Variants in ASPM observed in about 807,000 individuals in gnomAD.
ASPM encodes assembly factor for spindle microtubules.
ASPM carries 256 observed loss-of-function variants against 366.4 expected under a neutral mutation model. That is an observed-to-expected ratio of 0.70 (90% CI 0.63 to 0.77). ASPM has a LOEUF of 0.77. ASPM is among the 30% of genes least tolerant of loss of function. ASPM has a pLI of 0.00. For synonymous variants in ASPM, 1,414 were observed against 1,342.9 expected, an observed-to-expected ratio of 1.05 and a Z score of -1.16; for missense variants, 4,146 against 4,090.4, an observed-to-expected ratio of 1.01 and a Z score of -0.37.
chr1:197,107,750 C>T (rs909600911), intron 17 of ASPM, among the ~76,000 whole-genome samples: 4 of 151,892 alleles, frequency 2.6e-5, no homozygotes, highest in African/African-American at 4.8e-5. Flanking sequence ...ATAGTAGAAC[C>T]GAAAAACACA....
rs988431628 is a variant in ASPM, at chr1:197,092,998, A to C, written c.9294+54T>G. Reference sequence around the variant, plus strand: ...ATCCAAAGTTTCTTAACACTATTTAACATCAAGTGCTTTCATTTTATAAGA... The same window carrying C: ...ATCCAAAGTTTCTTAACACTATTTACCATCAAGTGCTTTCATTTTATAAGA... On this transcript the variant is annotated intron_variant, in intron 21 of 27. Transcript: ENST00000367409. 15 of 1,434,414 alleles carry C rather than the reference A, an allele frequency of 1.0e-5. No homozygotes were observed. In the African/African-American group the frequency reaches 1.7e-4, roughly 16 times the overall value. The allele number at this position is 1,434,414 out of a possible 1,614,324, so 88.9% of individuals were successfully genotyped here. A position where few individuals can be genotyped will look rare whatever the true frequency, so the allele number is the denominator to read the frequency against.
intron 17 of ASPM, among the ~76,000 whole-genome samples, chr1:197,106,245 T>C (rs1033557883): frequency 6.6e-6 from 1 of 152,030 alleles, no homozygotes; most frequent in Non-Finnish European, 1.5e-5. Flanking sequence ...TGAGGTTTTG[T>C]TCATACTCTT....
In ASPM at chr1:197,138,361, G is replaced by T. The variant is rs1424183022; in HGVS notation, c.2026+1406C>A. Among the ~76,000 whole-genome samples the T allele has an allele frequency of 3.9e-5, 6 of 152,102 alleles. No individual in the cohort carries two copies. The East Asian group carries it at 1.2e-3, about 29-fold the overall frequency. Reference sequence around the variant, plus strand: ...CTTGTCGCCCAGGCTGGAGTGCAATGGCAAGAACCTGGCTCGCTGCAACCT... The same window carrying T: ...CTTGTCGCCCAGGCTGGAGTGCAATTGCAAGAACCTGGCTCGCTGCAACCT... On this transcript the variant is annotated intron_variant, in intron 4 of 27. Coordinates refer to ENST00000367409, the MANE Select transcript of ASPM (RefSeq NM_018136.5).
chr1:197,145,097 T>A (rs189242692), intron 1 of ASPM, among the ~76,000 whole-genome samples: 3 of 152,128 alleles, frequency 2.0e-5, no homozygotes, highest in Non-Finnish European at 4.4e-5. Context: ...TGTAGATAGA[T>A]GAACCATTGG....
In ASPM at chr1:197,124,317, A is replaced by G. The variant is rs868630671; in HGVS notation, c.3183T>C (p.Leu1061=). The G allele has an allele frequency of 7.6e-6, 12 of 1,577,214 alleles. 1 individual carries two copies. In the Middle Eastern group the frequency reaches 1.8e-3, roughly 235 times the overall value. Residue 1061 remains leucine, a synonymous_variant, in exon 13 of 28, where the codon CTT becomes CTC. Transcript: ENST00000367409. ...IAFAFQVDIS[L]NLDQLKEEIA... is the part of the protein sequence containing the mutation. ...TTTCTTCCTTTAATTGATCTAAGTT[A>G]AGGGAAATATCCACCTAAAACAAAC...
chr1:197,125,987 G>T (rs1658079211), intron 10 of ASPM, among the ~76,000 whole-genome samples: 1 of 152,092 alleles, frequency 6.6e-6, no homozygotes, highest in African/African-American at 2.4e-5. Flanking sequence ...ATTCTCAAGT[G>T]ACTTCAAAGA....
intron 20 of ASPM, among the ~76,000 whole-genome samples, chr1:197,093,619 C>T (rs987277745): frequency 6.6e-6 from 1 of 151,814 alleles, no homozygotes; most frequent in Non-Finnish European, 1.5e-5. Flanking sequence ...ATAGCTATGA[C>T]AGAAGCTGTC....
Position 197,117,907 on chromosome 1 carries a change from ACT to A in ASPM, c.3945_3946del (p.Arg1315SerfsTer2), listed in dbSNP as rs587783240. On this transcript the variant is annotated frameshift_variant, in exon 17 of 28. Coordinates refer to ENST00000367409, the MANE Select transcript of ASPM (RefSeq NM_018136.5). LOFTEE classifies it high-confidence loss of function. ...TTTCTGAATGACGAGTGCTGCATTA[ACT>A]CTTTTTCTCAATCTTTGTTTTGCTA... 2.5e-6 allele frequency: 4 copies of A among 1,613,472 alleles called. No individual in the cohort carries two copies. Among genetic ancestry groups the A allele is most frequent in the Non-Finnish European group, 3.4e-6 (4 of 1,179,608 alleles).
chr1:197,102,322 T>C lies in ASPM; in HGVS notation c.6929A>G (p.Gln2310Arg). Residue 2310 changes from glutamine to arginine, a missense_variant, in exon 18 of 28, where the codon CAG becomes CGG. By Grantham distance (43) the Gln-to-Arg change is conservative (BLOSUM62 1). Around this residue, in one of 3 missense-constraint regions of ASPM, gnomAD observed 3,624 missense variants for 3,591.7 expected, o/e 1.01. Transcript: ENST00000367409. The stretch of plus-strand genomic sequence containing the variant: ...GATTTTAATAACTGCATTTTGTACC[T>C]GAAGGAACTGTAAGTGATGCTTTGT... ...LCTKHHLQFL[Q>R]VQNAVIKIQS... The C allele has an allele frequency of 6.2e-7, 1 of 1,612,758 alleles. No homozygotes were observed. Among genetic ancestry groups the C allele is most frequent in the Non-Finnish European group, 8.5e-7 (1 of 1,179,218 alleles).
At position 197,104,891 on chromosome 1, in the gene ASPM, T is replaced by C. The variant is rs769921325; in HGVS notation, c.4360A>G (p.Arg1454Gly). The stretch of plus-strand genomic sequence containing the variant: ...GCTTGTTTTCTTAAATGCCATTCTC[T>C]AAAAGCTCTTTGCAATATTACTGTA... ...KATVILQRAFREWHLRKQAKE... is the reference protein window; with the variant it reads ...KATVILQRAFGEWHLRKQAKE... The change falls in exon 18 of 28, where the codon AGA becomes GGA. Residue 1454 changes from arginine to glycine, a missense_variant. Physicochemically the swap from Arg to Gly is moderately radical, Grantham distance 125 (BLOSUM62 -2). Around this residue, in one of 3 missense-constraint regions of ASPM, gnomAD observed 3,624 missense variants for 3,591.7 expected, o/e 1.01. Coordinates refer to ENST00000367409, the MANE Select transcript of ASPM (RefSeq NM_018136.5). 84 of 1,609,552 alleles carry C rather than the reference T, an allele frequency of 5.2e-5. No individual in the cohort carries two copies. The highest frequency in any genetic ancestry group is 7.1e-5 in the Non-Finnish European group (84 of 1,178,596).
At chr1:197,139,295 G>A in intron 4 of ASPM, 1 of 895,488 alleles carries the variant, frequency 1.1e-6, no homozygotes, top group Non-Finnish European at 1.8e-6. Flanking sequence ...CCACAGCAAA[G>A]GATAACAGCC....
intron 17 of ASPM, among the ~76,000 whole-genome samples, chr1:197,113,487 C>T (rs1263277891): frequency 6.6e-6 from 1 of 152,010 alleles, no homozygotes; most frequent in Non-Finnish European, 1.5e-5. Context: ...TTTTAAATGT[C>T]CTCTAAAACA....
In ASPM at chr1:197,102,400, G is replaced by A. The variant is rs371321801; in HGVS notation, c.6851C>T (p.Ser2284Phe). The change falls in exon 18 of 28, where the codon TCT becomes TTT. Residue 2284 changes from serine (S) to phenylalanine (F), a missense_variant. Physicochemically the swap from Ser to Phe is radical, Grantham distance 155. Coordinates refer to ENST00000367409, the MANE Select transcript of ASPM (RefSeq NM_018136.5). ...RTLMMRRRFL[S>F]LKKTAILIQR... ...AATCAAAATAGCAGTTTTCTTGAGA[G>A]AGAGGAATCTTCTTCTCATCATTAG... 50 of 1,612,616 alleles carry A rather than the reference G, an allele frequency of 3.1e-5. No homozygotes were observed. In the African/African-American group the frequency reaches 4.4e-4, roughly 14 times the overall value.
At position 197,128,595 on chromosome 1, in the gene ASPM, A is replaced by C; in HGVS notation, c.2831T>G (p.Leu944Arg). Residue 944 changes from leucine to arginine, a missense_variant, in exon 10 of 28, where the codon CTT becomes CGT. By Grantham distance (102) the Leu-to-Arg change is moderately radical. Around this residue, in one of 3 missense-constraint regions of ASPM, gnomAD observed 3,624 missense variants for 3,591.7 expected, o/e 1.01. Coordinates refer to ENST00000367409, the MANE Select transcript of ASPM (RefSeq NM_018136.5). ...GTTAACAGGTAATCCCAATAAGCCAAGGTGACGGGAAAGGTCACCTTCACC... is the reference window on the plus strand; with the variant it reads ...GTTAACAGGTAATCCCAATAAGCCACGGTGACGGGAAAGGTCACCTTCACC... Reference protein sequence around the residue: ...LSGEGDLSRHLGLLGLPVNHV... With the variant: ...LSGEGDLSRHRGLLGLPVNHV... The C allele has an allele frequency of 6.2e-7, 1 of 1,613,862 alleles. No homozygotes were observed. The highest frequency in any genetic ancestry group is 8.5e-7 in the Non-Finnish European group (1 of 1,179,768).
In ASPM at chr1:197,132,285, C is replaced by T; in HGVS notation, c.2487G>A (p.Glu829=). 6.2e-7 allele frequency: 1 copy of T among 1,611,244 alleles called. No homozygotes were observed. Among genetic ancestry groups the T allele is most frequent in the Non-Finnish European group, 8.5e-7 (1 of 1,178,120 alleles). ...TTAGAAACCTGAAATATATGCTTAC[C>T]TCTAGACCAATTCGAAGCCACAAAG... ...YNPLWLRIGL[E]TTYGELISLE... is the part of the protein sequence containing the mutation. The change falls in exon 7 of 28, where the codon GAG becomes GAA. Residue 829 remains glutamate, a splice_region_variant and synonymous_variant. Transcript: ENST00000367409.
At position 197,142,469 on chromosome 1, in the gene ASPM, C is replaced by G. The variant is rs1296943498; in HGVS notation, c.1783G>C (p.Glu595Gln). 1 of 1,613,996 alleles carries G rather than the reference C, an allele frequency of 6.2e-7. No homozygotes were observed. The highest frequency in any genetic ancestry group is 8.5e-7 in the Non-Finnish European group (1 of 1,179,868). Residue 595 changes from glutamate (E) to glutamine (Q), a missense_variant, in exon 3 of 28, where the codon GAA (glutamate) becomes CAA (glutamine). Around this residue, in one of 3 missense-constraint regions of ASPM, gnomAD observed 3,624 missense variants for 3,591.7 expected, o/e 1.01. Coordinates refer to ENST00000367409, the MANE Select transcript of ASPM (RefSeq NM_018136.5). The part of the protein sequence containing the change: ...NVRVAITEHT[E>Q]VREIKRIHFS... ...TGGATTCTTTTGATTTCTCGCACTT[C>G]TGTATGTTCTGTAATTGCAACTCTC...
chr1:197,121,018 C>T (rs1232206505), intron 16 of ASPM, among the ~76,000 whole-genome samples: 3 of 152,008 alleles, frequency 2.0e-5, no homozygotes, highest in Non-Finnish European at 4.4e-5. Context: ...TACACAGCTA[C>T]CAAGAACTTT....
rs367552461 is a variant in ASPM at position 197,135,212 on chromosome 1, G to C, written c.2057C>G (p.Ala686Gly). The stretch of plus-strand genomic sequence containing the variant: ...GCGTTCATCATAAAACATGTTTTTT[G>C]CAGCAAATGGCATCGGGTGTCTGGG... Reference protein sequence around the residue: ...DIPRHPMPFAAKNMFYDERWK... With the variant: ...DIPRHPMPFAGKNMFYDERWK... Residue 686 changes from alanine (A) to glycine (G), a missense_variant, in exon 5 of 28, where the codon GCA becomes GGA. Ala to Gly is a moderately conservative substitution (Grantham distance 60). Transcript: ENST00000367409. 4 of 1,613,776 alleles carry C rather than the reference G, an allele frequency of 2.5e-6. No homozygotes were observed. The African/African-American group carries it at 4.0e-5, about 16-fold the overall frequency.
intron 4 of ASPM, among the ~76,000 whole-genome samples, chr1:197,136,649 A>T (rs904434781): frequency 3.3e-5 from 5 of 152,110 alleles, no homozygotes; most frequent in Non-Finnish European, 2.9e-5. Context: ...ACAAAAGGAA[A>T]TGAGAATAGA....
Sources: gnomAD v4.1 joint callset for allele counts (sites outside exome capture counted in the v4.1 genomes callset) on GRCh38, gnomAD v4.1.1 for gene constraint, gnomAD v4.1.1 regional missense constraint, MANE v1.5 for transcripts, NCBI Gene and HGNC (gene_info 2026-07-23, HGNC 2026-07-21) for gene names.